The following PLXNA4 variants were observed in gnomAD, a reference collection of about 807,000 sequenced individuals.
The protein encoded by PLXNA4 is plexin-A4.
A neutral mutation model predicts 191.8 loss-of-function variants in PLXNA4; 44 were observed. The observed-to-expected ratio is 0.23, with a 90% CI of 0.18 to 0.29. PLXNA4 has a LOEUF of 0.29. PLXNA4 is among the 10% of genes least tolerant of loss of function. The pLI, the probability that PLXNA4 is intolerant of heterozygous loss-of-function variation, is 1.00. For synonymous variants in PLXNA4, 1,082 were observed against 1,009.5 expected, an observed-to-expected ratio of 1.07 and a Z score of -1.36; for missense variants, 1,800 against 2,488.8, an observed-to-expected ratio of 0.72 and a Z score of 5.89.
chr7:132,373,113 G>C (rs999286691), intron 3 of PLXNA4, among the ~76,000 whole-genome samples: 1 of 152,006 alleles, frequency 6.6e-6, no homozygotes, highest in African/African-American at 2.4e-5. Flanking sequence ...TTTTGCACGG[G>C]CACTAATTCC....
chr7:132,291,686 G>C (rs1422057428), intron 4 of PLXNA4, among the ~76,000 whole-genome samples: 1 of 152,186 alleles, frequency 6.6e-6, no homozygotes. Context: ...TGCATGTCGA[G>C]AGCTGGCCAT....
At chr7:132,635,030 T>C (rs963178964) in intron 2 of PLXNA4, among the ~76,000 whole-genome samples, 2 of 152,112 alleles carry the variant, frequency 1.3e-5, no homozygotes, top group African/African-American at 4.8e-5. Context: ...TCTCCTGTGC[T>C]GGATGCTTCC....
At chr7:132,319,340 A>G (rs1239263002) in intron 3 of PLXNA4, among the ~76,000 whole-genome samples, 1 of 152,178 alleles carries the variant, frequency 6.6e-6, no homozygotes, top group Non-Finnish European at 1.5e-5. Flanking sequence ...ATTCCCATGC[A>G]GTCCCCAGGG....
chr7:132,571,518 G>C (rs1425608818), intron 1 of PLXNA4, among the ~76,000 whole-genome samples: 1 of 152,086 alleles, frequency 6.6e-6, no homozygotes, highest in Non-Finnish European at 1.5e-5. Context: ...AGTAATAAAT[G>C]AATGAATGAA....
At chr7:132,352,511 A>G (rs1157453678) in intron 3 of PLXNA4, 1 of 152,214 alleles carries the variant, frequency 6.6e-6, no homozygotes, top group Non-Finnish European at 1.5e-5. Flanking sequence ...TGGGGTTGGA[A>G]GCAGAGTTTA....
intron 10 of PLXNA4, among the ~76,000 whole-genome samples, chr7:132,207,178 G>A (rs1036739591): frequency 6.6e-6 from 1 of 152,182 alleles, no homozygotes; most frequent in Non-Finnish European, 1.5e-5. Context: ...TCCATCTCTA[G>A]TCCAGAGGGC....
rs1229736133 is a variant in PLXNA4 at position 132,394,377 on chromosome 7, G to A, written c.1371+94915C>T. ...CAGAGAATGTGATCAGGAGTGAGAAGTGAAACAAACACTAGATTAAGAGTT... is the reference window on the plus strand; with the variant it reads ...CAGAGAATGTGATCAGGAGTGAGAAATGAAACAAACACTAGATTAAGAGTT... On this transcript the variant is annotated intron_variant, in intron 3 of 31. Coordinates refer to ENST00000321063, the MANE Select transcript of PLXNA4 (RefSeq NM_020911.2). Among the ~76,000 whole-genome samples, 3 of 152,306 alleles carry A rather than the reference G, an allele frequency of 2.0e-5. No homozygotes were observed. The East Asian group carries it at 5.8e-4, about 30-fold the overall frequency.
intron 9 of PLXNA4, among the ~76,000 whole-genome samples, chr7:132,222,497 G>A (rs569315471): frequency 6.6e-6 from 1 of 150,826 alleles, no homozygotes; most frequent in South Asian, 2.1e-4. Flanking sequence ...AATCCCCTAT[G>A]CTTCCTGCAC....
chr7:132,146,376 T>A (rs1453110511), intron 28 of PLXNA4, 134 bp downstream of exon 28: 3 of 1,440,768 alleles, frequency 2.1e-6, no homozygotes, highest in Non-Finnish European at 2.9e-6. Context: ...TGGTCAGCAG[T>A]GCCTCCTGGG....
At chr7:132,361,148 G>A (rs1314784984) in intron 3 of PLXNA4, among the ~76,000 whole-genome samples, 2 of 152,138 alleles carry the variant, frequency 1.3e-5, no homozygotes, top group African/African-American at 4.8e-5. Flanking sequence ...GTGAACTCAT[G>A]GGGTACTTTC....
chr7:132,592,865 AT>A (rs751812797), intron 2 of PLXNA4, among the ~76,000 whole-genome samples: 61 of 149,156 alleles, frequency 4.1e-4, no homozygotes, highest in South Asian at 8.5e-4. Flanking sequence ...AGCAAAAAAA[AT>A]TTAAAAAAAA....
intron 3 of PLXNA4, among the ~76,000 whole-genome samples, chr7:132,378,847 C>CTTTTTTTT (rs11375919): frequency 8.4e-6 from 1 of 119,050 alleles, no homozygotes. Flanking sequence ...GGCACTGGAT[C>CTTTTTTTT]TTTTTTTTTT....
chr7:132,559,055 T>C (rs1000979438), intron 1 of PLXNA4, among the ~76,000 whole-genome samples: 1 of 151,992 alleles, frequency 6.6e-6, no homozygotes, highest in East Asian at 1.9e-4. Flanking sequence ...ATCACTGTGG[T>C]TAGGTTACTT....
chr7:132,451,434 G>A (rs1314749488), intron 3 of PLXNA4, among the ~76,000 whole-genome samples: 2 of 152,118 alleles, frequency 1.3e-5, no homozygotes, highest in East Asian at 1.9e-4. Flanking sequence ...CAGCTTAGAG[G>A]GTATTTGAGG....
chr7:132,156,313 G>C (rs1221960141), intron 25 of PLXNA4, among the ~76,000 whole-genome samples: 1 of 152,166 alleles, frequency 6.6e-6, no homozygotes, highest in African/African-American at 2.4e-5. Context: ...GGGAGAGCTC[G>C]TCTGAGCTCT....
chr7:132,156,082 A>C (rs938219828), intron 25 of PLXNA4, among the ~76,000 whole-genome samples: 2 of 147,626 alleles, frequency 1.4e-5, no homozygotes, highest in Admixed American at 1.4e-4. Flanking sequence ...AGCCTCCATA[A>C]TCGTATGACC....
chr7:132,149,516 A>G lies in PLXNA4; in HGVS notation c.4661-870T>C, dbSNP rs896704301. Among the ~76,000 whole-genome samples the G allele has an allele frequency of 5.3e-5, 8 of 152,320 alleles. No individual in the cohort carries two copies. In the East Asian group the frequency reaches 1.2e-3, roughly 22 times the overall value. The stretch of plus-strand genomic sequence containing the variant: ...ATGTCAGACACACATAAACTCATGC[A>G]GCACACACATGTATGAGCTCACGCA... On this transcript the variant is annotated intron_variant, in intron 25 of 31. Coordinates refer to ENST00000321063, the MANE Select transcript of PLXNA4 (RefSeq NM_020911.2).
intron 13 of PLXNA4, among the ~76,000 whole-genome samples, chr7:132,194,910 C>T (rs1025376677): frequency 4.6e-5 from 7 of 151,696 alleles, no homozygotes. Context: ...ATGTATGTAT[C>T]TTTGCAGACA....
At chr7:132,268,499 T>C (rs996718706) in intron 4 of PLXNA4, among the ~76,000 whole-genome samples, 2 of 152,320 alleles carry the variant, frequency 1.3e-5, no homozygotes, top group South Asian at 4.1e-4. Context: ...ACTGGTCTGC[T>C]CATGAGACAC....
Sources: gnomAD v4.1 joint callset for allele counts (sites outside exome capture counted in the v4.1 genomes callset) on GRCh38, gnomAD v4.1.1 for gene constraint, MANE v1.5 for transcripts, NCBI Gene and HGNC (gene_info 2026-07-23, HGNC 2026-07-21) for gene names.